LRRTM4: variants seen among roughly 807,000 people sequenced by gnomAD.
LRRTM4 encodes leucine-rich repeat transmembrane neuronal protein 4.
In LRRTM4, 25 loss-of-function variants were observed where a neutral mutation model predicts 47.6. That is an observed-to-expected ratio of 0.53 (90% CI 0.38 to 0.73). The LOEUF is 0.73. Ranked by LOEUF, LRRTM4 falls within the 30% of genes least tolerant of loss-of-function variation. The probability of loss-of-function intolerance (pLI) is 0.00; values close to 1 mark genes in which losing one functional copy is unlikely to be tolerated. For missense variants in LRRTM4, 638 were observed against 713.4 expected, an observed-to-expected ratio of 0.89 and a Z score of 1.20; for synonymous variants, 311 against 269.5, an observed-to-expected ratio of 1.15 and a Z score of -1.51.
intron 3 of LRRTM4, among the ~76,000 whole-genome samples, chr2:76,810,658 C>T (rs1670705538): frequency 6.6e-6 from 1 of 152,094 alleles, no homozygotes; most frequent in African/African-American, 2.4e-5. Flanking sequence ...ATATAAAAGT[C>T]TATGGTTTTT....
At chr2:76,964,564 T>C (rs1195250388) in intron 3 of LRRTM4, among the ~76,000 whole-genome samples, 1 of 150,892 alleles carries the variant, frequency 6.6e-6, no homozygotes, top group East Asian at 2.0e-4. Flanking sequence ...TATATTCAAA[T>C]TGTTTGACAT....
At position 77,521,813 on chromosome 2, in the gene LRRTM4, T is replaced by C. The variant is rs1278014719; in HGVS notation, c.-142A>G. On this transcript the variant is annotated 5_prime_UTR_variant, in exon 2 of 4. It removes an upstream start codon present in the reference 5' UTR. Transcript: ENST00000409884. ...TCCCGCATGTGAGCTAGTAGCCCCATACAAACTTCCCCGAGAGGACAGGCA... is the reference window on the plus strand; with the variant it reads ...TCCCGCATGTGAGCTAGTAGCCCCACACAAACTTCCCCGAGAGGACAGGCA... The C allele has an allele frequency of 1.0e-5, 5 of 497,248 alleles. No individual in the cohort carries two copies. Among genetic ancestry groups the C allele is most frequent in the Non-Finnish European group, 1.7e-5 (5 of 300,340 alleles). The allele number at this position is 497,248 out of a possible 1,614,324, so 30.8% of individuals were successfully genotyped here.
chr2:77,029,062 T>TA (rs1426843503), intron 3 of LRRTM4, among the ~76,000 whole-genome samples: 3 of 145,618 alleles, frequency 2.1e-5, no homozygotes, highest in South Asian at 4.3e-4. Flanking sequence ...AATATATATA[T>TA]ATATATATAA....
At chr2:77,229,546 T>C (rs1436724754) in intron 3 of LRRTM4, among the ~76,000 whole-genome samples, 1 of 152,114 alleles carries the variant, frequency 6.6e-6, no homozygotes, top group Admixed American at 6.6e-5. Flanking sequence ...TAATCAGAAT[T>C]ACCCGGCATC....
Position 76,813,798 on chromosome 2 carries a change from G to T in LRRTM4, c.1552-64882C>A, listed in dbSNP as rs1670817872. On this transcript the variant is annotated intron_variant, in intron 3 of 3. Coordinates refer to ENST00000409884, the MANE Select transcript of LRRTM4 (RefSeq NM_001134745.3). ...TTTAGATTCACACAAAGATTGTGAA[G>T]ATACTACATAGAGTTCCCGTATTGC... Among the ~76,000 whole-genome samples, 6 of 152,110 alleles carry T rather than the reference G, an allele frequency of 3.9e-5. No homozygotes were observed. The South Asian group carries it at 1.2e-3, about 31-fold the overall frequency.
At chr2:77,478,180 C>G (rs536550208) in intron 3 of LRRTM4, among the ~76,000 whole-genome samples, 39 of 152,274 alleles carry the variant, frequency 2.6e-4, no homozygotes, top group African/African-American at 8.7e-4. Flanking sequence ...TTAAATCCCA[C>G]AGATTAAGTT....
chr2:76,955,340 A>T (rs1055788010), intron 3 of LRRTM4, among the ~76,000 whole-genome samples: 1 of 151,844 alleles, frequency 6.6e-6, no homozygotes, highest in African/African-American at 2.4e-5. Context: ...GTCCGTTGGG[A>T]GAAAAAAAGT....
intron 3 of LRRTM4, among the ~76,000 whole-genome samples, chr2:76,881,341 T>C (rs1162186793): frequency 6.6e-6 from 1 of 152,148 alleles, no homozygotes; most frequent in East Asian, 1.9e-4. Flanking sequence ...ACACATGGCC[T>C]ATCAAGGTTT....
At chr2:77,362,161 G>GAA in intron 3 of LRRTM4, among the ~76,000 whole-genome samples, 1 of 151,634 alleles carries the variant, frequency 6.6e-6, no homozygotes, top group Middle Eastern at 3.4e-3. Flanking sequence ...AAGAAAGAAA[G>GAA]AAAGAAAGAA....
intron 3 of LRRTM4, among the ~76,000 whole-genome samples, chr2:77,501,887 A>C (rs955389268): frequency 3.3e-5 from 5 of 151,600 alleles, no homozygotes; most frequent in African/African-American, 1.2e-4. Flanking sequence ...GTGGTGGTGA[A>C]TATTAATAGA....
chr2:76,791,975 G>C (rs762788650), intron 3 of LRRTM4, among the ~76,000 whole-genome samples: 27 of 152,066 alleles, frequency 1.8e-4, no homozygotes, highest in Non-Finnish European at 3.4e-4. Context: ...ATCAGATCTG[G>C]GTCATAAATT....
chr2:76,876,077 G>A (rs1431008272), intron 3 of LRRTM4, among the ~76,000 whole-genome samples: 5 of 152,048 alleles, frequency 3.3e-5, no homozygotes, highest in Admixed American at 2.6e-4. Flanking sequence ...CTCTAATCAA[G>A]TCTAATTGGT....
At chr2:76,778,915 T>G (rs1674188455) in intron 3 of LRRTM4, among the ~76,000 whole-genome samples, 1 of 151,678 alleles carries the variant, frequency 6.6e-6, no homozygotes, top group Non-Finnish European at 1.5e-5. Context: ...TAAATTTCCC[T>G]TTACACACTG....
At chr2:77,177,794 C>T (rs1409174521) in intron 3 of LRRTM4, among the ~76,000 whole-genome samples, 1 of 152,088 alleles carries the variant, frequency 6.6e-6, no homozygotes, top group Admixed American at 6.5e-5. Flanking sequence ...TGAGTACAGC[C>T]CCTCTTCATA....
At chr2:76,881,436 A>G (rs529974253) in intron 3 of LRRTM4, among the ~76,000 whole-genome samples, 1 of 150,574 alleles carries the variant, frequency 6.6e-6, no homozygotes, top group African/African-American at 2.4e-5. Flanking sequence ...CCTAAGAATA[A>G]GACTTTTTTG....
Position 76,747,695 on chromosome 2 carries a change from T to C in LRRTM4, c.*1000A>G, listed in dbSNP as rs946050006. 2.6e-5 allele frequency: 4 copies of C among 152,272 alleles called. No individual in the cohort carries two copies. Among genetic ancestry groups the C allele is most frequent in the African/African-American group, 9.6e-5 (4 of 41,472 alleles). The allele number at this position is 152,272 out of a possible 1,614,324, so 9.4% of individuals were successfully genotyped here. A position where few individuals can be genotyped will look rare whatever the true frequency, so the allele number is the denominator to read the frequency against. On this transcript the variant is annotated 3_prime_UTR_variant, in exon 4 of 4. Transcript: ENST00000409884. Reference sequence around the variant, plus strand: ...ATAAAGCACTCAGCATTAGGTGGGCTGTGGTATACCAACCACAAAATAATA... The same window carrying C: ...ATAAAGCACTCAGCATTAGGTGGGCCGTGGTATACCAACCACAAAATAATA...
Position 77,478,625 on chromosome 2 carries a change from G to A in LRRTM4, c.1551+39693C>T, listed in dbSNP as rs1387623769. 2.0e-5 allele frequency among the ~76,000 whole-genome samples: 3 copies of A among 152,100 alleles called. No individual in the cohort carries two copies. In the East Asian group the frequency reaches 5.8e-4, roughly 29 times the overall value. ...AAATATTCTTTTGTACACATGCACT[G>A]GTATACACACACTGACACATTTCAT... On this transcript the variant is annotated intron_variant, in intron 3 of 3. Coordinates refer to ENST00000409884, the MANE Select transcript of LRRTM4 (RefSeq NM_001134745.3).
rs1186583867 is a variant in LRRTM4, at chr2:76,888,389, C to T, written c.1552-139473G>A. Among the ~76,000 whole-genome samples, 6 of 151,382 alleles carry T rather than the reference C, an allele frequency of 4.0e-5. No homozygotes were observed. The South Asian group carries it at 1.0e-3, about 26-fold the overall frequency. On this transcript the variant is annotated intron_variant, in intron 3 of 3. Coordinates refer to ENST00000409884, the MANE Select transcript of LRRTM4 (RefSeq NM_001134745.3). Reference sequence around the variant, plus strand: ...AGAGAATACATATTGTATTCTTTCTCGAACACATACATAGACATCTGAAAA... The same window carrying T: ...AGAGAATACATATTGTATTCTTTCTTGAACACATACATAGACATCTGAAAA...
intron 3 of LRRTM4, among the ~76,000 whole-genome samples, chr2:77,400,290 G>T (rs1375998493): frequency 6.6e-6 from 1 of 151,380 alleles, no homozygotes; most frequent in Non-Finnish European, 1.5e-5. Context: ...CTGAGTAATT[G>T]GCTCTACAAT....
Sources: allele counts gnomAD v4.1 joint callset (sites outside exome capture counted in the v4.1 genomes callset), GRCh38; gene constraint gnomAD v4.1.1; transcripts MANE v1.5; gene names NCBI Gene and HGNC (gene_info 2026-07-23, HGNC 2026-07-21).